HSPG2: variants seen among roughly 807,000 people sequenced by gnomAD.
HSPG2 encodes the protein heparan sulfate proteoglycan 2.
A neutral mutation model predicts 526.6 loss-of-function variants in HSPG2; 278 were observed. The ratio of observed to expected loss-of-function variants is 0.53; its 90% CI spans 0.48 to 0.58. The LOEUF is 0.58. HSPG2 is among the 20% of genes least tolerant of loss of function. HSPG2 has a pLI of 0.00. For synonymous variants in HSPG2, 2,465 were observed against 2,555.4 expected (o/e 0.96, Z 1.07); for missense variants, 5,354 against 6,099.5 (o/e 0.88, Z 4.07).
chr1:21,841,851 G>A (rs1225534343), intron 69 of HSPG2, 151 bp downstream of exon 69: 41 of 1,294,542 alleles, frequency 3.2e-5, no homozygotes, highest in South Asian at 1.2e-4. Context: ...TGGGTCCAGC[G>A]CTCTTGCCAT....
rs550552969 is a variant in HSPG2, at chr1:21,897,059, G to A, written c.64-749C>T. Among the ~76,000 whole-genome samples the A allele has an allele frequency of 1.2e-3, 179 of 152,304 alleles. 1 individual carries two copies. Among genetic ancestry groups the A allele is most frequent in the African/African-American group, 4.0e-3 (167 of 41,568 alleles). On this transcript the variant is annotated intron_variant, in intron 1 of 96. Transcript: ENST00000374695. ...TTGGGGCCTGCAAACTATGTGGGCC[G>A]GAGCAGAAGGGCCCCAGCAGCCATA...
At position 21,823,655 on chromosome 1, in the gene HSPG2, G is replaced by A; in HGVS notation, c.12964C>T (p.Pro4322Ser). 6.2e-7 allele frequency: 1 copy of A among 1,613,762 alleles called. No individual in the cohort carries two copies. The highest frequency in any genetic ancestry group is 1.6e-4 in the Middle Eastern group (1 of 6,062). ...CCCTTGGCGTTGACTGCCACGTTGG[G>A]ACCTGGGGACCGGCCGCTGACCAGC... ...EELVSGRSPGPNVAVNAKGSV... is the reference protein window; with the variant it reads ...EELVSGRSPGSNVAVNAKGSV... The change falls in exon 96 of 97, where the codon CCC (proline) becomes TCC (serine). Residue 4322 changes from proline (P) to serine (S), a missense_variant. Physicochemically the swap from Pro to Ser is moderately conservative, Grantham distance 74 (BLOSUM62 -1). Transcript: ENST00000374695.
intron 53 of HSPG2, 53 bp from the exon 54 acceptor site, chr1:21,851,979 G>A: frequency 1.2e-6 from 2 of 1,608,152 alleles, no homozygotes; most frequent in Non-Finnish European, 1.7e-6. Context: ...GCCAGCAAAT[G>A]CCCCACCGCT....
At position 21,842,132 on chromosome 1, in the gene HSPG2, G is replaced by T. The variant is rs765958926; in HGVS notation, c.9063C>A (p.Ser3021Arg). 14 of 1,613,586 alleles carry T rather than the reference G, an allele frequency of 8.7e-6. No individual in the cohort carries two copies. Among genetic ancestry groups the T allele is most frequent in the Non-Finnish European group, 1.2e-5 (14 of 1,180,010 alleles). Residue 3021 changes from serine to arginine, a missense_variant, in exon 69 of 97, where the codon AGC (serine) becomes AGA (arginine). Physicochemically the swap from Ser to Arg is moderately radical, Grantham distance 110. Coordinates refer to ENST00000374695, the MANE Select transcript of HSPG2 (RefSeq NM_005529.7). ...TGGGCGGGTCGATGGAGATGACCGG[G>T]CTCCTAAGGCCTGGGGCCAAAGGGG... ...PSEGSSYRLR[S>R]PVISIDPPSS... is the part of the protein sequence containing the mutation.
chr1:21,833,576 G>T lies in HSPG2; in HGVS notation c.10869C>A (p.Asn3623Lys), dbSNP rs1008020125. 1.2e-6 allele frequency: 2 copies of T among 1,614,182 alleles called. No homozygotes were observed. The highest frequency in any genetic ancestry group is 2.2e-5 in the East Asian group (1 of 44,884). Residue 3623 changes from asparagine to lysine, a missense_variant, in exon 79 of 97, where the codon AAC (asparagine) becomes AAA (lysine). Transcript: ENST00000374695. ...GGACTGAGGGCAGCATCAGCATGTT[G>T]TTCTCCAGGCGGCTGTCAGGTGGCA... The part of the protein sequence containing the change: ...GSLPPDSRLE[N>K]NMLMLPSVRP...
Position 21,823,056 on chromosome 1 carries a change from C to G in HSPG2, c.*260G>C. 1 of 389,170 alleles carries G rather than the reference C, an allele frequency of 2.6e-6. No homozygotes were observed. The highest frequency in any genetic ancestry group is 5.7e-5 in the South Asian group (1 of 17,404). 24.1% of individuals were successfully genotyped at this position (389,170 alleles called of 1,614,324 possible). A position where few individuals can be genotyped will look rare whatever the true frequency, so the allele number is the denominator to read the frequency against. ...GGGGGCAGTTCTGGGCCCACCCAGC[C>G]ACTGTTCCTGACCCCAAGTCCTGGT... On this transcript the variant is annotated 3_prime_UTR_variant, in exon 97 of 97. Transcript: ENST00000374695.
chr1:21,831,836 G>A (rs1182061616), intron 81 of HSPG2, 40 bp from the exon 82 acceptor site: 2 of 1,559,282 alleles, frequency 1.3e-6, no homozygotes, highest in Non-Finnish European at 1.7e-6. Flanking sequence ...AGAGTGGATA[G>A]GGGGTTTGTA....
intron 6 of HSPG2, 81 bp downstream of exon 6, chr1:21,889,900 G>A (rs765180333): frequency 1.5e-5 from 22 of 1,454,094 alleles, no homozygotes; most frequent in South Asian, 3.4e-5. Context: ...GCAAGCCCAA[G>A]TTGGGAGCCT....
chr1:21,878,310 G>C (rs967977429), intron 20 of HSPG2, 57 bp from the exon 21 acceptor site: 1 of 1,593,228 alleles, frequency 6.3e-7, no homozygotes, highest in Non-Finnish European at 8.6e-7. Flanking sequence ...ACGTGGTCCG[G>C]GCAGATAGAG....
intron 6 of HSPG2, among the ~76,000 whole-genome samples, 170 bp from the exon 7 acceptor site, chr1:21,888,236 G>A (rs1642086144): frequency 6.6e-6 from 1 of 152,228 alleles, no homozygotes; most frequent in African/African-American, 2.4e-5. Context: ...CACAGCACAC[G>A]TGGGGCATGG....
intron 25 of HSPG2, 166 bp from the exon 26 acceptor site, chr1:21,875,168 G>C (rs1184696381): frequency 1.1e-5 from 7 of 662,642 alleles, no homozygotes; most frequent in Non-Finnish European, 1.6e-5. Flanking sequence ...GCAAACAGCT[G>C]TTACCTGCAA....
chr1:21,828,713 G>T lies in HSPG2; in HGVS notation c.12237+122C>A. On this transcript the variant is annotated intron_variant, in intron 88 of 96. Transcript: ENST00000374695. This position sits in a 1 kb window ranked among gnomAD's most constrained non-coding sequence, Gnocchi z 6.0. ...CTGAGGCTCAGAGGTACAGTGTCCT[G>T]GCCCAGGGCCCGTGGGTGGCTGCAG... is the stretch of plus-strand genomic sequence containing the variant. 1.4e-6 allele frequency: 2 copies of T among 1,392,924 alleles called. No homozygotes were observed. The highest frequency in any genetic ancestry group is 2.0e-6 in the Non-Finnish European group (2 of 1,013,240). 86.3% of individuals were successfully genotyped at this position (1,392,924 alleles called of 1,614,324 possible).
In HSPG2 at chr1:21,822,366, T is replaced by G. The variant is rs949442491; in HGVS notation, c.*950A>C. The G allele has an allele frequency of 2.0e-5, 15 of 743,832 alleles. No homozygotes were observed. The Admixed American group carries it at 3.3e-4, about 17-fold the overall frequency. 46.1% of individuals were successfully genotyped at this position (743,832 alleles called of 1,614,324 possible). On this transcript the variant is annotated 3_prime_UTR_variant, in exon 97 of 97. Transcript: ENST00000374695. The stretch of plus-strand genomic sequence containing the variant: ...TGGGGGCCACTGGCAGGATGGCACT[T>G]GAGCTGGATCTTCAGGCTCCTGCAG...
intron 1 of HSPG2, among the ~76,000 whole-genome samples, chr1:21,899,080 T>A (rs1011940538): frequency 3.9e-5 from 6 of 152,126 alleles, no homozygotes; most frequent in Admixed American, 3.9e-4. Context: ...TGCCCCACAC[T>A]CCACCAGAGG....
chr1:21,909,809 C>T (rs1643568942), intron 1 of HSPG2, among the ~76,000 whole-genome samples: 1 of 152,216 alleles, frequency 6.6e-6, no homozygotes, highest in Non-Finnish European at 1.5e-5. Flanking sequence ...TGCCAAGAGG[C>T]CCTGGCAAGG....
In HSPG2 at chr1:21,842,902, G is replaced by C. The variant is rs754638745; in HGVS notation, c.8778C>G (p.Pro2926=). ...GTGAAGAGGAGGCCTCGATGTAGAT[G>C]GGCTGGGCCAGTCCTGGAGCTGTGG... The part of the protein sequence containing the change: ...GPIPAPGLAQ[P]IYIEASSSHV... Residue 2926 remains proline, a synonymous_variant, in exon 67 of 97, where the codon CCC becomes CCG. Transcript: ENST00000374695. The C allele has an allele frequency of 1.0e-4, 162 of 1,614,020 alleles. No individual in the cohort carries two copies. The highest frequency in any genetic ancestry group is 1.3e-4 in the Non-Finnish European group (154 of 1,180,024).
In HSPG2 at chr1:21,823,479, G is replaced by A. The variant is rs1199346628; in HGVS notation, c.13013C>T (p.Pro4338Leu). 1 of 1,600,932 alleles carries A rather than the reference G, an allele frequency of 6.2e-7. No individual in the cohort carries two copies. Among genetic ancestry groups the A allele is most frequent in the East Asian group, 2.2e-5 (1 of 44,588 alleles). ...AKGSVYIGGA[P>L]DVATLTGGRF... ...GCCCCCGGTCAGCGTGGCCACGTCA[G>A]GGGCTCCGCCTGCCGGGAGGTGAGA... The change falls in exon 97 of 97, where the codon CCT becomes CTT. Residue 4338 changes from proline to leucine, a missense_variant. Pro to Leu is a moderately conservative substitution (Grantham distance 98). Coordinates refer to ENST00000374695, the MANE Select transcript of HSPG2 (RefSeq NM_005529.7).
chr1:21,827,176 C>A (rs551982250), intron 91 of HSPG2, among the ~76,000 whole-genome samples: 5 of 152,028 alleles, frequency 3.3e-5, no homozygotes, highest in Non-Finnish European at 4.4e-5. Flanking sequence ...CCACTGCACT[C>A]CAGCCTGGGT....
At chr1:21,917,477 AT>A (rs1180287502) in intron 1 of HSPG2, among the ~76,000 whole-genome samples, 7 of 144,474 alleles carry the variant, frequency 4.8e-5, no homozygotes, top group South Asian at 2.2e-4. Context: ...AAATAAATAA[AT>A]AAATAAAAAT....
Sources: allele counts gnomAD v4.1 joint callset (sites outside exome capture counted in the v4.1 genomes callset), GRCh38; gene constraint gnomAD v4.1.1; non-coding constraint Gnocchi (gnomAD v3.1); transcripts MANE v1.5; gene names NCBI Gene and HGNC (gene_info 2026-07-23, HGNC 2026-07-21).